Variants in SLC26A2 observed in about 807,000 individuals in gnomAD.
SLC26A2 encodes the protein sulfate transporter.
SLC26A2 carries 36 observed loss-of-function variants against 41.1 expected under a neutral mutation model. The ratio of observed to expected loss-of-function variants is 0.88; its 90% CI spans 0.67 to 1.16. SLC26A2 has a LOEUF of 1.16. Among genes scored for constraint, SLC26A2 ranks in the 50% most tolerant of loss-of-function variants. The pLI is 0.00. For synonymous variants in SLC26A2, 291 were observed against 311.6 expected (o/e 0.93, Z 0.70); for missense variants, 796 against 869.6 (o/e 0.92, Z 1.07).
At chr5:149,978,969 T>C (rs1390725319) in intron 2 of SLC26A2, among the ~76,000 whole-genome samples, 1 of 152,006 alleles carries the variant, frequency 6.6e-6, no homozygotes, top group African/African-American at 2.4e-5. Context: ...CCTCCCGTCT[T>C]GGCCTCCCAA....
chr5:149,963,471 G>T (rs1754749059), intron 1 of SLC26A2, among the ~76,000 whole-genome samples: 1 of 152,066 alleles, frequency 6.6e-6, no homozygotes, highest in Non-Finnish European at 1.5e-5. Flanking sequence ...TAGAGACGGG[G>T]TTTCACCATG....
At chr5:149,970,581 T>C (rs1329148713) in intron 1 of SLC26A2, among the ~76,000 whole-genome samples, 1 of 152,070 alleles carries the variant, frequency 6.6e-6, no homozygotes, top group African/African-American at 2.4e-5. Context: ...AGATTATTAT[T>C]CTAGGCAAAG....
At position 149,981,390 on chromosome 5, in the gene SLC26A2, A is replaced by C. The variant is rs761543121; in HGVS notation, c.1797A>C (p.Leu599Phe). 5 of 1,614,170 alleles carry C rather than the reference A, an allele frequency of 3.1e-6. No homozygotes were observed. The South Asian group carries it at 5.5e-5, about 18-fold the overall frequency. ...YINKECFKSALYKQTVNPILI... is the reference protein window; with the variant it reads ...YINKECFKSAFYKQTVNPILI... ...ACAAAGAATGCTTTAAATCTGCTTT[A>C]TACAAACAAACTGTCAACCCAATCT... The change falls in exon 3 of 3, where the codon TTA (leucine) becomes TTC (phenylalanine). Residue 599 changes from leucine (L) to phenylalanine (F), a missense_variant. Coordinates refer to ENST00000286298, the MANE Select transcript of SLC26A2 (RefSeq NM_000112.4).
intron 1 of SLC26A2, among the ~76,000 whole-genome samples, chr5:149,964,312 C>T (rs1330954309): frequency 4.0e-5 from 6 of 151,842 alleles, no homozygotes; most frequent in East Asian, 3.9e-4. Flanking sequence ...GACAACACGG[C>T]GAAAACCTGT....
chr5:149,963,569 G>A (rs1431662743), intron 1 of SLC26A2, among the ~76,000 whole-genome samples: 4 of 151,614 alleles, frequency 2.6e-5, no homozygotes, highest in African/African-American at 9.7e-5. Flanking sequence ...GAGCCACCGC[G>A]CCTGGCCTAA....
chr5:149,987,154 A>G lies in SLC26A2; in HGVS notation c.*5341A>G, dbSNP rs1481551817. The G allele has an allele frequency of 6.6e-6, 1 of 152,170 alleles. No homozygotes were observed. The highest frequency in any genetic ancestry group is 6.5e-5 in the Admixed American group (1 of 15,282). The allele number at this position is 152,170 out of a possible 1,614,324, so 9.4% of individuals were successfully genotyped here. A position where few individuals can be genotyped will look rare whatever the true frequency, so the allele number is the denominator to read the frequency against. On this transcript the variant is annotated 3_prime_UTR_variant, in exon 3 of 3. Coordinates refer to ENST00000286298, the MANE Select transcript of SLC26A2 (RefSeq NM_000112.4). ...CTTTTAGGAACATGTTTTATACTGTATTTTTTAATTAAAGCAAGTGCCTTG... is the reference window on the plus strand; with the variant it reads ...CTTTTAGGAACATGTTTTATACTGTGTTTTTTAATTAAAGCAAGTGCCTTG...
rs1232744908 is a variant in SLC26A2 at position 149,980,344 on chromosome 5, G to T, written c.751G>T (p.Ala251Ser). 1 of 1,614,064 alleles carries T rather than the reference G, an allele frequency of 6.2e-7. No individual in the cohort carries two copies. Among genetic ancestry groups the T allele is most frequent in the South Asian group, 1.1e-5 (1 of 91,076 alleles). ...TTTTGTTTCTGTCTACCTCTCAGAT[G>T]CCTTGCTGAGTGGATTTGTCACTGG... ...VGFVSVYLSD[A>S]LLSGFVTGAS... Residue 251 changes from alanine to serine, a missense_variant, in exon 3 of 3, where the codon GCC (alanine) becomes TCC (serine). Transcript: ENST00000286298.
chr5:149,967,895 A>C (rs1031184700), intron 1 of SLC26A2, among the ~76,000 whole-genome samples: 1 of 151,254 alleles, frequency 6.6e-6, no homozygotes, highest in Admixed American at 6.6e-5. Context: ...GATTATAAGC[A>C]TGAGCCACCC....
rs200694484 is a variant in SLC26A2, at chr5:149,981,240, A to G, written c.1647A>G (p.Pro549=). Residue 549 remains proline, a synonymous_variant, in exon 3 of 3, where the codon CCA becomes CCG. Transcript: ENST00000286298. ...IFCVILRTQK[P]KSSLLGLVEE... ...GTGTCATCCTCCGCACTCAGAAGCC[A>G]AAGAGTTCACTGCTTGGCTTGGTGG... 4.6e-4 allele frequency: 745 copies of G among 1,614,190 alleles called. 9 individuals carry two copies. The South Asian group carries it at 7.7e-3, about 17-fold the overall frequency.
At position 149,980,910 on chromosome 5, in the gene SLC26A2, T is replaced by C. The variant is rs1304093507; in HGVS notation, c.1317T>C (p.Ala439=). 6.2e-7 allele frequency: 1 copy of C among 1,614,188 alleles called. No homozygotes were observed. Among genetic ancestry groups the C allele is most frequent in the Admixed American group, 1.7e-5 (1 of 60,022 alleles). Residue 439 remains alanine, a synonymous_variant, in exon 3 of 3, where the codon GCT becomes GCC. Coordinates refer to ENST00000286298, the MANE Select transcript of SLC26A2 (RefSeq NM_000112.4). ...SFFHCFTTSA[A]LAKTLVKEST... ...TCCACTGTTTTACTACTAGTGCAGC[T>C]CTTGCAAAGACATTGGTTAAAGAAT...
rs1755092949 is a variant in SLC26A2 at position 149,981,209 on chromosome 5, T to C, written c.1616T>C (p.Ile539Thr). 4 of 1,614,050 alleles carry C rather than the reference T, an allele frequency of 2.5e-6. No homozygotes were observed. The highest frequency in any genetic ancestry group is 3.4e-6 in the Non-Finnish European group (4 of 1,180,024). ...IGLLVGVCFS[I>T]FCVILRTQKP... ...CTACTTGTTGGGGTTTGTTTTTCTATATTTTGTGTCATCCTCCGCACTCAG... is the reference window on the plus strand; with the variant it reads ...CTACTTGTTGGGGTTTGTTTTTCTACATTTTGTGTCATCCTCCGCACTCAG... The change falls in exon 3 of 3, where the codon ATA becomes ACA. Residue 539 changes from isoleucine (I) to threonine (T), a missense_variant. Ile to Thr is a moderately conservative substitution (Grantham distance 89, BLOSUM62 -1). Transcript: ENST00000286298.
chr5:149,978,741 G>A (rs1297048852), intron 2 of SLC26A2, among the ~76,000 whole-genome samples: 1 of 151,726 alleles, frequency 6.6e-6, no homozygotes, highest in Non-Finnish European at 1.5e-5. Context: ...ACGCTGGAGT[G>A]CAGTGGCACT....
chr5:149,976,739 G>C (rs1754998266), intron 1 of SLC26A2, among the ~76,000 whole-genome samples: 1 of 152,196 alleles, frequency 6.6e-6, no homozygotes, highest in Admixed American at 6.5e-5. Flanking sequence ...CTAGGACACA[G>C]AGATGAAGGA....
At chr5:149,969,020 G>A (rs532038488) in intron 1 of SLC26A2, among the ~76,000 whole-genome samples, 3 of 152,054 alleles carry the variant, frequency 2.0e-5, no homozygotes, top group East Asian at 1.9e-4. Context: ...GGGATTACAC[G>A]TGTGAGCCAC....
intron 1 of SLC26A2, among the ~76,000 whole-genome samples, chr5:149,974,350 GTTTTC>G (rs1175705088): frequency 6.6e-6 from 1 of 151,050 alleles, no homozygotes; most frequent in African/African-American, 2.4e-5. Flanking sequence ...GAGGGTTTTT[GTTTTC>G]TTTTTGTTTT....
chr5:149,980,183 C>T, intron 2 of SLC26A2, 110 bp from the exon 3 acceptor site: 1 of 856,370 alleles, frequency 1.2e-6, no homozygotes, highest in Non-Finnish European at 2.0e-6. Context: ...CTAGCTCTGA[C>T]ATTCTGTGAT....
At chr5:149,968,474 A>G (rs547685685) in intron 1 of SLC26A2, among the ~76,000 whole-genome samples, 138 of 151,532 alleles carry the variant, frequency 9.1e-4, no homozygotes, top group African/African-American at 3.2e-3. Context: ...GCAGTGGCGC[A>G]ATCTTGGCTC....
Position 149,987,229 on chromosome 5 carries a change from A to C in SLC26A2, c.*5416A>C, listed in dbSNP as rs1007945580. On this transcript the variant is annotated 3_prime_UTR_variant, in exon 3 of 3. Coordinates refer to ENST00000286298, the MANE Select transcript of SLC26A2 (RefSeq NM_000112.4). ...TTAACCCTCTTATGGGATGAGGATGAGTTATTAATGTATTGCAGCCTACTG... is the reference window on the plus strand; with the variant it reads ...TTAACCCTCTTATGGGATGAGGATGCGTTATTAATGTATTGCAGCCTACTG... 9 of 152,158 alleles carry C rather than the reference A, an allele frequency of 5.9e-5. No homozygotes were observed. Among genetic ancestry groups the C allele is most frequent in the Non-Finnish European group, 1.2e-4 (8 of 68,010 alleles). The allele number at this position is 152,158 out of a possible 1,614,324, so 9.4% of individuals were successfully genotyped here.
intron 1 of SLC26A2, among the ~76,000 whole-genome samples, chr5:149,976,904 T>C (rs1053641226): frequency 6.6e-6 from 1 of 152,218 alleles, no homozygotes; most frequent in Non-Finnish European, 1.5e-5. Flanking sequence ...CATAGTGGAA[T>C]AGACAAAAAC....
Sources: allele counts gnomAD v4.1 joint callset (sites outside exome capture counted in the v4.1 genomes callset), GRCh38; gene constraint gnomAD v4.1.1; transcripts MANE v1.5; gene names NCBI Gene and HGNC (gene_info 2026-07-23, HGNC 2026-07-21).